Variants in RAB37 observed in about 807,000 individuals in gnomAD.
RAB37 encodes ras-related protein Rab-37.
RAB37 carries 29 observed loss-of-function variants against 33.1 expected under a neutral mutation model. The ratio of observed to expected loss-of-function variants is 0.88; its 90% confidence interval spans 0.65 to 1.20. The LOEUF is 1.20. RAB37 is among the 50% of genes most tolerant of loss of function. The pLI, the probability that RAB37 is intolerant of heterozygous loss-of-function variation, is 0.00. For missense variants in RAB37, 299 were observed against 301.1 expected, an observed-to-expected ratio of 0.99 and a Z score of 0.05; for synonymous variants, 128 against 119.5, an observed-to-expected ratio of 1.07 and a Z score of -0.47.
intron 1 of RAB37, among the ~76,000 whole-genome samples, chr17:74,707,082 T>C (rs2143831314): frequency 6.6e-6 from 1 of 152,318 alleles, no homozygotes; most frequent in South Asian, 2.1e-4. Flanking sequence ...TTGGCGATGA[T>C]GTCTTGGAGA....
At position 74,676,040 on chromosome 17, in the gene RAB37, T is replaced by G. The variant is rs28433282; in HGVS notation, c.72+4382T>G. On this transcript the variant is annotated intron_variant, in intron 1 of 7. Coordinates refer to the RAB37 transcript ENST00000340415. This position sits in a 1 kb window ranked among gnomAD's most constrained non-coding sequence, Gnocchi z 4.1. ...TCTCAGTTCTCTCTTGCCACCAGCT[T>G]CAAGAGCCATCCAGGGCAATGGTCT... Among the ~76,000 whole-genome samples, 1,170 of 152,300 alleles carry G rather than the reference T, an allele frequency of 7.7e-3. 20 individuals are homozygous for G. The highest frequency in any genetic ancestry group is 0.027 in the African/African-American group (1,131 of 41,556).
rs2034362200 is a variant in RAB37, at chr17:74,729,776, C to T, written c.183+410C>T. The stretch of plus-strand genomic sequence containing the variant: ...TCCTGCTCCCCATCTCCTTCTGGGG[C>T]TCCACATTGGATGAACGCAAGTGGA... On this transcript the variant is annotated intron_variant, in intron 2 of 7. Transcript: ENST00000340415. The surrounding 1 kb of genome is among the most constrained non-coding windows in gnomAD (Gnocchi z 4.2). Among the ~76,000 whole-genome samples the T allele has an allele frequency of 6.6e-6, 1 of 152,166 alleles. No individual in the cohort carries two copies. Among genetic ancestry groups the T allele is most frequent in the Non-Finnish European group, 1.5e-5 (1 of 68,038 alleles).
intron 1 of RAB37, among the ~76,000 whole-genome samples, chr17:74,686,254 G>A (rs1037259041): frequency 1.3e-5 from 2 of 151,978 alleles, no homozygotes; most frequent in African/African-American, 2.4e-5. Context: ...ACCATGCCTG[G>A]CTAATTTTTT....
intron 1 of RAB37, among the ~76,000 whole-genome samples, chr17:74,685,928 G>A (rs992858097): frequency 3.3e-5 from 5 of 152,170 alleles, no homozygotes; most frequent in African/African-American, 9.7e-5. Flanking sequence ...TCTCAGGAGT[G>A]GAGGAGCAAA....
intron 1 of RAB37, chr17:74,695,606 C>T (rs964652314): frequency 6.2e-5 from 90 of 1,440,488 alleles, no homozygotes; most frequent in Non-Finnish European, 7.6e-5. Context: ...ATGGCTTTGC[C>T]CCACACCTGC....
chr17:74,701,573 A>G (rs968411546), intron 1 of RAB37, among the ~76,000 whole-genome samples: 4 of 152,202 alleles, frequency 2.6e-5, no homozygotes, highest in Admixed American at 6.5e-5. Flanking sequence ...AAAGAAAAAT[A>G]GGGACAAAGC....
chr17:74,732,242 G>T (rs1298274066), intron 2 of RAB37, among the ~76,000 whole-genome samples: 1 of 152,204 alleles, frequency 6.6e-6, no homozygotes, highest in Non-Finnish European at 1.5e-5. Context: ...TGCTGCTTCA[G>T]TAAAACCACG....
At chr17:74,739,535 T>G (rs576835070) in intron 1 of RAB37, among the ~76,000 whole-genome samples, 40 of 148,388 alleles carry the variant, frequency 2.7e-4, no homozygotes, top group Non-Finnish European at 4.3e-4. Context: ...CTTTTTTTTT[T>G]TTTTTTTTTT....
chr17:74,724,846 C>T (rs150849008), intron 1 of RAB37, among the ~76,000 whole-genome samples: 1 of 152,296 alleles, frequency 6.6e-6, no homozygotes, highest in African/African-American at 2.4e-5. Flanking sequence ...TCTTTTGTGG[C>T]TCTTCAGTTG....
At chr17:74,736,938 G>T, upstream of RAB37, 1 of 1,512,236 alleles carries the variant, frequency 6.6e-7, no homozygotes. Context: ...CTCTTCCGCA[G>T]CAGACGGGGT....
intron 1 of RAB37, among the ~76,000 whole-genome samples, chr17:74,718,323 T>C (rs1357773876): frequency 6.7e-6 from 1 of 148,868 alleles, no homozygotes; most frequent in South Asian, 2.1e-4. Flanking sequence ...ATACATCATA[T>C]CATATCATAT....
intron 1 of RAB37, among the ~76,000 whole-genome samples, chr17:74,678,394 C>T (rs1449982860): frequency 1.3e-5 from 2 of 152,132 alleles, no homozygotes; most frequent in African/African-American, 4.8e-5. Flanking sequence ...TAACTTGAGA[C>T]GTGCAGGGCT....
chr17:74,727,856 GTGTGTC>G (rs574460885), intron 1 of RAB37, among the ~76,000 whole-genome samples: 1 of 151,952 alleles, frequency 6.6e-6, no homozygotes, highest in Non-Finnish European at 1.5e-5. Flanking sequence ...TTTTATGTGT[GTGTGTC>G]TGTGTCTGTG....
At chr17:74,721,229 C>T (rs114920517) in intron 1 of RAB37, among the ~76,000 whole-genome samples, 16 of 152,300 alleles carry the variant, frequency 1.1e-4, no homozygotes, top group African/African-American at 3.6e-4. Context: ...GTGGAGCCAT[C>T]GCCAGGACCT....
At chr17:74,680,317 T>C (rs779632251) in intron 1 of RAB37, among the ~76,000 whole-genome samples, 1 of 151,980 alleles carries the variant, frequency 6.6e-6, no homozygotes, top group Non-Finnish European at 1.5e-5. Context: ...TTGACAGCAG[T>C]CCATTGTGTG....
chr17:74,695,820 G>A, intron 1 of RAB37: 1 of 1,614,154 alleles, frequency 6.2e-7, no homozygotes, highest in Non-Finnish European at 8.5e-7. Flanking sequence ...TGCAGGGTCA[G>A]GTCTGCATAG....
In RAB37 at chr17:74,696,201, T is replaced by C. The variant is rs778545190; in HGVS notation, c.72+24543T>C. ...ACCTTGGGGGCTATCTTACCTGCTC[T>C]GGGGACATCCCGGCTGCTAAAAGAC... On this transcript the variant is annotated intron_variant, in intron 1 of 7. Coordinates refer to the RAB37 transcript ENST00000340415. The C allele has an allele frequency of 2.5e-6, 4 of 1,607,634 alleles. No individual in the cohort carries two copies. In the South Asian group the frequency reaches 4.4e-5, roughly 18 times the overall value.
At chr17:74,681,181 A>C (rs984790111) in intron 1 of RAB37, among the ~76,000 whole-genome samples, 1 of 152,240 alleles carries the variant, frequency 6.6e-6, no homozygotes, top group African/African-American at 2.4e-5. Context: ...CTTGGTGCCC[A>C]TGAAGGTCAA....
Position 74,746,982 on chromosome 17 carries a change from G to A in RAB37, c.*1571G>A, listed in dbSNP as rs2034774744. On this transcript the variant is annotated 3_prime_UTR_variant, in exon 9 of 9. Coordinates refer to ENST00000392613, the MANE Select transcript of RAB37 (RefSeq NM_001006638.3). This position sits in a 1 kb window ranked among gnomAD's most constrained non-coding sequence, Gnocchi z 5.2. ...TTGGTCACATATCTCCCAAAGCTCCGATCCCTGCCATGGGAAGTGGACAGG... is the reference window on the plus strand; with the variant it reads ...TTGGTCACATATCTCCCAAAGCTCCAATCCCTGCCATGGGAAGTGGACAGG... The A allele has an allele frequency of 6.6e-6, 1 of 152,176 alleles. No individual in the cohort carries two copies. Among genetic ancestry groups the A allele is most frequent in the Non-Finnish European group, 1.5e-5 (1 of 68,044 alleles). 9.4% of individuals were successfully genotyped at this position (152,176 alleles called of 1,614,324 possible).
Sources: gnomAD v4.1 joint callset for allele counts (sites outside exome capture counted in the v4.1 genomes callset) on GRCh38, gnomAD v4.1.1 for gene constraint, Gnocchi (gnomAD v3.1) non-coding constraint, MANE v1.5 for transcripts, NCBI Gene and HGNC (gene_info 2026-07-23, HGNC 2026-07-21) for gene names.